Variants in SUCLA2 observed in about 807,000 individuals in gnomAD.
The protein encoded by SUCLA2 is succinate--CoA ligase [ADP-forming] subunit beta, mitochondrial.
In SUCLA2, 30 loss-of-function variants were observed where a neutral mutation model predicts 54.8. The ratio of observed to expected loss-of-function variants is 0.55; its 90% CI spans 0.41 to 0.74. The LOEUF is 0.74. Ranked by LOEUF, SUCLA2 falls within the 30% of genes least tolerant of loss-of-function variation. SUCLA2 has a pLI of 0.00. For missense variants in SUCLA2, 476 were observed against 562.9 expected (o/e 0.85, Z 1.56); for synonymous variants, 172 against 188.9 (o/e 0.91, Z 0.74).
At chr13:47,978,131 C>T (rs1212077767) in intron 4 of SUCLA2, among the ~76,000 whole-genome samples, 1 of 152,172 alleles carries the variant, frequency 6.6e-6, no homozygotes, top group Non-Finnish European at 1.5e-5. Flanking sequence ...CATCAAGCTA[C>T]CAATGACTTT....
At chr13:47,978,654 C>T (rs956621998) in intron 4 of SUCLA2, among the ~76,000 whole-genome samples, 1 of 152,134 alleles carries the variant, frequency 6.6e-6, no homozygotes, top group Non-Finnish European at 1.5e-5. Flanking sequence ...CAGCAAAAGA[C>T]AAAATTGACA....
intron 2 of SUCLA2, chr13:47,994,865 T>G: frequency 1.0e-6 from 1 of 985,322 alleles, no homozygotes; most frequent in East Asian, 1.1e-4. Context: ...AGTTACAGTT[T>G]ATCCTGCACA....
At chr13:47,964,899 T>C (rs1218124399) in intron 6 of SUCLA2, among the ~76,000 whole-genome samples, 1 of 151,908 alleles carries the variant, frequency 6.6e-6, no homozygotes, top group Non-Finnish European at 1.5e-5. Context: ...TGCAAGACTA[T>C]TAATTTAACA....
intron 4 of SUCLA2, chr13:47,988,199 T>A (rs1033044069): frequency 3.3e-5 from 10 of 305,120 alleles, no homozygotes; most frequent in Non-Finnish European, 5.9e-5. Context: ...AGCAACTTTC[T>A]CTTTCATTAG....
In SUCLA2 at chr13:47,963,682, A is replaced by G. The variant is rs149994387; in HGVS notation, c.802+4913T>C. 3.9e-3 allele frequency among the ~76,000 whole-genome samples: 589 copies of G among 152,120 alleles called. 4 individuals are homozygous for G. The highest frequency in any genetic ancestry group is 0.012 in the African/African-American group (507 of 41,494). Reference sequence around the variant, plus strand: ...CAAAAAAAAAAACAGACATAAATATAGGTGTGTTTTTATGTACGTGTACAA... The same window carrying G: ...CAAAAAAAAAAACAGACATAAATATGGGTGTGTTTTTATGTACGTGTACAA... On this transcript the variant is annotated intron_variant, in intron 6 of 10. Transcript: ENST00000646932.
At chr13:47,953,422 T>C (rs1273993529) in intron 8 of SUCLA2, among the ~76,000 whole-genome samples, 4 of 152,226 alleles carry the variant, frequency 2.6e-5, no homozygotes, top group Admixed American at 2.6e-4. Flanking sequence ...TTACTTGTTT[T>C]AGTAATTACT....
chr13:47,978,025 G>A (rs1239595046), intron 4 of SUCLA2, among the ~76,000 whole-genome samples: 3 of 151,848 alleles, frequency 2.0e-5, no homozygotes, highest in African/African-American at 7.3e-5. Context: ...AGAACACAAA[G>A]GGAAAAACAT....
At chr13:47,991,606 G>A (rs1447410087) in intron 2 of SUCLA2, 1 of 152,200 alleles carries the variant, frequency 6.6e-6, no homozygotes, top group Non-Finnish European at 1.5e-5. Context: ...AAGAGGCCCA[G>A]GAGGGCAGAA....
At chr13:47,982,262 C>A (rs1346734521) in intron 4 of SUCLA2, among the ~76,000 whole-genome samples, 11 of 152,092 alleles carry the variant, frequency 7.2e-5, no homozygotes, top group Non-Finnish European at 1.6e-4. Context: ...GAATAGTACT[C>A]AGCCATAAAT....
intron 6 of SUCLA2, chr13:47,965,506 AAC>A (rs545695119): frequency 8.6e-5 from 33 of 384,990 alleles, no homozygotes; most frequent in East Asian, 2.2e-4. Flanking sequence ...AAAAAAAAAA[AAC>A]AAACAAACAA....
At chr13:47,990,246 G>A (rs1950138612) in intron 2 of SUCLA2, among the ~76,000 whole-genome samples, 1 of 152,188 alleles carries the variant, frequency 6.6e-6, no homozygotes, top group Admixed American at 6.5e-5. Context: ...TACTTGGGAG[G>A]TTGAGGCACA....
At chr13:47,955,586 G>C (rs138285260) in intron 6 of SUCLA2, among the ~76,000 whole-genome samples, 169 of 147,844 alleles carry the variant, frequency 1.1e-3, no homozygotes, top group African/African-American at 4.4e-3. Context: ...AAAAGAAAGA[G>C]AAGAAGAAGA....
At chr13:47,948,251 A>T (rs1285049435) in intron 10 of SUCLA2, among the ~76,000 whole-genome samples, 1 of 152,196 alleles carries the variant, frequency 6.6e-6, no homozygotes, top group Non-Finnish European at 1.5e-5. Flanking sequence ...AGATGATCAC[A>T]GATATAAGAC....
chr13:47,988,446 T>C, intron 4 of SUCLA2, 95 bp downstream of exon 4: 1 of 1,428,450 alleles, frequency 7.0e-7, no homozygotes, highest in East Asian at 2.3e-5. Context: ...ATTTGTACTT[T>C]TAAAATCTTT....
chr13:47,957,567 C>A (rs76560360), intron 6 of SUCLA2, among the ~76,000 whole-genome samples: 4,132 of 152,208 alleles, frequency 0.027, 87 homozygotes, highest in South Asian at 0.081. Context: ...CTTGACATTG[C>A]ATCGATATAG....
At chr13:47,993,628 C>A (rs1950167380) in intron 2 of SUCLA2, among the ~76,000 whole-genome samples, 1 of 152,188 alleles carries the variant, frequency 6.6e-6, no homozygotes. Context: ...AAACCCCATG[C>A]TAACTCAACT....
chr13:47,961,379 T>C (rs969821054), intron 6 of SUCLA2, among the ~76,000 whole-genome samples: 8 of 152,210 alleles, frequency 5.3e-5, no homozygotes, highest in Admixed American at 5.2e-4. Flanking sequence ...TAAATGTTTT[T>C]GTATAATTTT....
chr13:47,964,377 C>T (rs528683613), intron 6 of SUCLA2, among the ~76,000 whole-genome samples: 1 of 152,156 alleles, frequency 6.6e-6, no homozygotes, highest in East Asian at 1.9e-4. Flanking sequence ...CAGTCTGTAT[C>T]TTGATTGTGG....
chr13:47,998,102 T>C (rs1950203333), intron 1 of SUCLA2, among the ~76,000 whole-genome samples: 1 of 152,098 alleles, frequency 6.6e-6, no homozygotes, highest in African/African-American at 2.4e-5. Flanking sequence ...TGATTTAGTG[T>C]CACTTCAATA....
Sources: gnomAD v4.1 joint callset for allele counts (sites outside exome capture counted in the v4.1 genomes callset) on GRCh38, gnomAD v4.1.1 for gene constraint, MANE v1.5 for transcripts, NCBI Gene and HGNC (gene_info 2026-07-23, HGNC 2026-07-21) for gene names.